The following NLGN1 variants were observed in gnomAD, a reference collection of about 807,000 sequenced individuals.
The protein encoded by NLGN1 is neuroligin-1.
In NLGN1, 12 loss-of-function variants were observed where a neutral mutation model predicts 65.5. The observed-to-expected ratio is 0.18, with a 90% confidence interval of 0.12 to 0.30. The LOEUF (loss-of-function observed/expected upper bound fraction) is 0.30, where lower values mean the gene tolerates loss of function less well. Ranked by LOEUF, NLGN1 falls within the 10% of genes least tolerant of loss-of-function variation. NLGN1 has a pLI of 1.00. For missense variants in NLGN1, 750 were observed against 1,007.1 expected (o/e 0.74, Z 3.46); for synonymous variants, 350 against 359.5 (o/e 0.97, Z 0.30).
At chr3:174,062,579 A>G (rs1398194156) in intron 4 of NLGN1, among the ~76,000 whole-genome samples, 1 of 152,022 alleles carries the variant, frequency 6.6e-6, no homozygotes, top group Non-Finnish European at 1.5e-5. Flanking sequence ...CACTAATTAT[A>G]TGAACCAGAA....
At chr3:174,005,829 C>T (rs367721037) in intron 4 of NLGN1, among the ~76,000 whole-genome samples, 8 of 152,052 alleles carry the variant, frequency 5.3e-5, no homozygotes, top group African/African-American at 1.7e-4. Context: ...TAAAATATGT[C>T]GTCTATCTGT....
chr3:173,440,989 C>T (rs550684203), intron 2 of NLGN1, among the ~76,000 whole-genome samples: 7 of 152,120 alleles, frequency 4.6e-5, no homozygotes, highest in African/African-American at 7.2e-5. Flanking sequence ...AATGATCTTC[C>T]GGATAAATGG....
intron 1 of NLGN1, among the ~76,000 whole-genome samples, chr3:173,412,016 T>C (rs192379814): frequency 1.3e-5 from 2 of 152,296 alleles, no homozygotes; most frequent in East Asian, 3.9e-4. Context: ...ATGGGACTAG[T>C]AGCAACCACT....
intron 2 of NLGN1, among the ~76,000 whole-genome samples, chr3:173,481,273 A>G (rs77735108): frequency 0.011 from 1,602 of 152,132 alleles, 29 homozygotes; most frequent in African/African-American, 0.037. Context: ...TTATTGTTCA[A>G]TGTCTCCTAT....
intron 4 of NLGN1, among the ~76,000 whole-genome samples, chr3:174,002,164 G>C (rs1349674214): frequency 6.6e-6 from 1 of 151,860 alleles, no homozygotes; most frequent in Non-Finnish European, 1.5e-5. Context: ...GTCTTGCTCT[G>C]TTGCCCAGGC....
chr3:173,460,811 C>T (rs1212261516), intron 2 of NLGN1, among the ~76,000 whole-genome samples: 1 of 152,018 alleles, frequency 6.6e-6, no homozygotes, highest in Non-Finnish European at 1.5e-5. Context: ...CTGGGATAAA[C>T]CATAGGGAAT....
chr3:173,457,255 G>T (rs542202649), intron 2 of NLGN1, among the ~76,000 whole-genome samples: 1 of 152,102 alleles, frequency 6.6e-6, no homozygotes, highest in Admixed American at 6.6e-5. Flanking sequence ...GAGAAGTCAG[G>T]CCATTCCAGA....
intron 4 of NLGN1, among the ~76,000 whole-genome samples, chr3:174,154,604 CA>C (rs1022352800): frequency 7.9e-5 from 12 of 151,666 alleles, no homozygotes; most frequent in African/African-American, 2.9e-4. Context: ...GTTTTGTCTC[CA>C]GGGCAGTCAT....
chr3:174,012,928 C>T (rs115695141), intron 4 of NLGN1, among the ~76,000 whole-genome samples: 1,798 of 152,210 alleles, frequency 0.012, 17 homozygotes, highest in African/African-American at 0.029. Context: ...CAAAGCAGAA[C>T]GTAGAGCTTA....
chr3:173,598,239 T>G (rs533583698), intron 2 of NLGN1, among the ~76,000 whole-genome samples: 14 of 152,320 alleles, frequency 9.2e-5, no homozygotes, highest in Non-Finnish European at 2.9e-5. Flanking sequence ...AAAGTGCTAT[T>G]GGTGGTTAAC....
At chr3:173,955,182 T>C (rs1711689051) in intron 4 of NLGN1, among the ~76,000 whole-genome samples, 1 of 152,188 alleles carries the variant, frequency 6.6e-6, no homozygotes, top group Non-Finnish European at 1.5e-5. Flanking sequence ...TTTTGAAATG[T>C]TTCAGCCACT....
At chr3:173,933,727 A>G (rs1744545628) in intron 4 of NLGN1, among the ~76,000 whole-genome samples, 2 of 152,072 alleles carry the variant, frequency 1.3e-5, no homozygotes, top group Admixed American at 1.3e-4. Context: ...TATTTTATTT[A>G]CTTTCCCCTA....
intron 3 of NLGN1, among the ~76,000 whole-genome samples, chr3:173,729,677 C>T (rs183074578): frequency 2.2e-4 from 34 of 151,968 alleles, no homozygotes; most frequent in Non-Finnish European, 2.9e-4. Flanking sequence ...TTAATTTTTA[C>T]GGAGAAATAT....
intron 1 of NLGN1, chr3:173,398,636 A>C (rs1338725708): frequency 6.6e-6 from 1 of 152,232 alleles, no homozygotes; most frequent in African/African-American, 2.4e-5. Flanking sequence ...TGATAATTCT[A>C]AATCATGAAC....
At chr3:174,100,290 CTT>C (rs973696468) in intron 4 of NLGN1, among the ~76,000 whole-genome samples, 4 of 148,498 alleles carry the variant, frequency 2.7e-5, no homozygotes, top group Non-Finnish European at 5.9e-5. Context: ...AAAAAAAAAA[CTT>C]TATTTTAATT....
intron 2 of NLGN1, among the ~76,000 whole-genome samples, chr3:173,436,736 G>A (rs1164466804): frequency 6.6e-6 from 1 of 152,146 alleles, no homozygotes; most frequent in Non-Finnish European, 1.5e-5. Context: ...GACAATGGTA[G>A]GAGAACAGAG....
intron 4 of NLGN1, among the ~76,000 whole-genome samples, chr3:173,925,774 A>G (rs1051021979): frequency 2.0e-5 from 3 of 152,180 alleles, no homozygotes; most frequent in Non-Finnish European, 4.4e-5. Flanking sequence ...TAGACCAGAG[A>G]TAAAAATTAT....
intron 4 of NLGN1, among the ~76,000 whole-genome samples, chr3:173,989,835 C>A (rs1720726798): frequency 6.6e-6 from 1 of 152,042 alleles, no homozygotes; most frequent in African/African-American, 2.4e-5. Context: ...GCACACAAAC[C>A]AAGAAGGGAG....
intron 4 of NLGN1, among the ~76,000 whole-genome samples, chr3:173,889,557 G>A (rs1734954698): frequency 2.6e-5 from 4 of 152,102 alleles, no homozygotes; most frequent in Admixed American, 2.6e-4. Flanking sequence ...TTGTCAAGAA[G>A]TAAAAAGGGG....
Sources: allele counts gnomAD v4.1 joint callset (sites outside exome capture counted in the v4.1 genomes callset), GRCh38; gene constraint gnomAD v4.1.1; transcripts MANE v1.5; gene names NCBI Gene and HGNC (gene_info 2026-07-23, HGNC 2026-07-21).